Variants in FGD3 observed in about 807,000 individuals in gnomAD.
FGD3 encodes the protein FYVE, RhoGEF and PH domain containing 3.
A neutral mutation model predicts 71.8 loss-of-function variants in FGD3; 45 were observed. The observed-to-expected ratio is 0.63, with a 90% CI of 0.49 to 0.80. FGD3 has a LOEUF of 0.80. FGD3 is among the 30% of genes least tolerant of loss of function. FGD3 has a pLI of 0.00. For missense variants in FGD3, 844 were observed against 951.5 expected (o/e 0.89, Z 1.49); for synonymous variants, 378 against 392.8 (o/e 0.96, Z 0.44).
In FGD3 at chr9:93,003,128, C is replaced by CA; in HGVS notation, c.543+117dup. 1.1e-6 allele frequency: 1 copy of CA among 919,632 alleles called. No homozygotes were observed. Among genetic ancestry groups the CA allele is most frequent in the Non-Finnish European group, 1.6e-6 (1 of 613,706 alleles). 57.0% of individuals were successfully genotyped at this position (919,632 alleles called of 1,614,324 possible). On this transcript the variant is annotated intron_variant, in intron 4 of 17. Coordinates refer to ENST00000375482, the MANE Select transcript of FGD3 (RefSeq NM_001083536.2). The surrounding 1 kb of genome is among the most constrained non-coding windows in gnomAD (Gnocchi z 4.1). ...CTCAGACAAATTTAAGTCTGGTCTA[C>CA]AAACTTTTTTTTTTTTTTGAGACAA...
intron 3 of FGD3, among the ~76,000 whole-genome samples, chr9:92,988,312 C>A (rs977887953): frequency 1.3e-5 from 2 of 152,240 alleles, no homozygotes; most frequent in Admixed American, 1.3e-4. Flanking sequence ...TTCCCCAGTA[C>A]CTGTGGGCCT....
chr9:93,006,161 ACGT>A lies in FGD3; in HGVS notation c.823_825del (p.Val275del). On this transcript the variant is annotated inframe_deletion, in exon 6 of 18. Transcript: ENST00000375482. Reference sequence around the variant, plus strand: ...ACCCAGCGCTCCCCACTGTTTAAAGACGTCGTCCACAGCATCCAGGTAAGGCCG... The same window carrying A: ...ACCCAGCGCTCCCCACTGTTTAAAGACGTCCACAGCATCCAGGTAAGGCCG... 1 of 1,591,532 alleles carries A rather than the reference ACGT, an allele frequency of 6.3e-7. No homozygotes were observed. The highest frequency in any genetic ancestry group is 8.6e-7 in the Non-Finnish European group (1 of 1,166,404).
At chr9:93,010,213 T>G (rs1379745553) in intron 6 of FGD3, 33 bp from the exon 7 acceptor site, 6 of 1,579,996 alleles carry the variant, frequency 3.8e-6, no homozygotes, top group Non-Finnish European at 5.2e-6. Context: ...ACACGTGTCC[T>G]TGGAGTGCCC....
intron 3 of FGD3, among the ~76,000 whole-genome samples, chr9:92,994,105 C>T: frequency 6.6e-6 from 1 of 152,192 alleles, no homozygotes; most frequent in Non-Finnish European, 1.5e-5. Context: ...GTTCCTATTT[C>T]TCCACATCCT....
chr9:93,019,951 C>G lies in FGD3; in HGVS notation c.1386+90C>G, dbSNP rs550643468. On this transcript the variant is annotated intron_variant, in intron 12 of 17. Coordinates refer to ENST00000375482, the MANE Select transcript of FGD3 (RefSeq NM_001083536.2). Reference sequence around the variant, plus strand: ...TTGGTTCAGAGGGTGGGGGCCCTGGCCTCCGGGACTGCTGGCCCTGTGCTG... The same window carrying G: ...TTGGTTCAGAGGGTGGGGGCCCTGGGCTCCGGGACTGCTGGCCCTGTGCTG... The G allele has an allele frequency of 1.1e-4, 155 of 1,370,262 alleles. 1 individual carries two copies. In the South Asian group the frequency reaches 1.7e-3, roughly 15 times the overall value. 84.9% of individuals were successfully genotyped at this position (1,370,262 alleles called of 1,614,324 possible). A position where few individuals can be genotyped will look rare whatever the true frequency, so the allele number is the denominator to read the frequency against.
chr9:93,034,433 A>G, intron 16 of FGD3, 108 bp from the exon 17 acceptor site: 2 of 1,430,230 alleles, frequency 1.4e-6, no homozygotes, highest in Non-Finnish European at 1.9e-6. Context: ...CCATGTCTCC[A>G]CAGCCAGCTC....
intron 3 of FGD3, among the ~76,000 whole-genome samples, chr9:92,989,926 T>G (rs1029848667): frequency 5.3e-5 from 8 of 151,820 alleles, no homozygotes; most frequent in East Asian, 3.9e-4. Context: ...GAGGTTTTTT[T>G]TTTTTTTTTT....
intron 1 of FGD3, among the ~76,000 whole-genome samples, chr9:92,949,834 C>A (rs1046438649): frequency 6.6e-6 from 1 of 152,152 alleles, no homozygotes; most frequent in African/African-American, 2.4e-5. Flanking sequence ...CCACCACAAC[C>A]CTCTGAGGAG....
intron 15 of FGD3, among the ~76,000 whole-genome samples, chr9:93,030,732 T>C (rs1587874161): frequency 7.2e-6 from 1 of 139,316 alleles, no homozygotes; most frequent in East Asian, 2.3e-4. Context: ...GGGGGGGGAA[T>C]AAGTAGATGA....
chr9:92,997,210 G>A (rs1860680983), intron 3 of FGD3, among the ~76,000 whole-genome samples: 1 of 152,052 alleles, frequency 6.6e-6, no homozygotes, highest in Non-Finnish European at 1.5e-5. Context: ...TGTTGAATTG[G>A]TCCCTTTACC....
chr9:93,004,028 G>C lies in FGD3; in HGVS notation c.571G>C (p.Gly191Arg), dbSNP rs769901274. The C allele has an allele frequency of 5.0e-6, 8 of 1,614,172 alleles. No individual in the cohort carries two copies. The highest frequency in any genetic ancestry group is 1.3e-5 in the African/African-American group (1 of 75,056). Residue 191 changes from glycine to arginine, a missense_variant, in exon 5 of 18, where the codon GGG becomes CGG. By Grantham distance (125) the Gly-to-Arg change is moderately radical. Transcript: ENST00000375482. ...QVFCTRLTDA[G>R]IPPEVIMGIF... ...TTTCTGCACCAGGCTGACGGATGCG[G>C]GGATCCCTCCAGAAGTCATCATGGG...
At chr9:92,988,253 C>T (rs529305218) in intron 3 of FGD3, among the ~76,000 whole-genome samples, 2 of 152,190 alleles carry the variant, frequency 1.3e-5, no homozygotes, top group Non-Finnish European at 2.9e-5. Flanking sequence ...TAAGGCTCCA[C>T]CCTGCATAAG....
At chr9:92,999,302 G>A (rs539856037) in intron 3 of FGD3, among the ~76,000 whole-genome samples, 14 of 152,286 alleles carry the variant, frequency 9.2e-5, no homozygotes, top group African/African-American at 2.9e-4. Flanking sequence ...CTGGTGTGCC[G>A]TTTGCTAAGG....
At chr9:92,951,734 G>T (rs894489924) in intron 1 of FGD3, among the ~76,000 whole-genome samples, 10 of 148,576 alleles carry the variant, frequency 6.7e-5, no homozygotes, top group African/African-American at 2.5e-4. Context: ...GGTTGTGTCT[G>T]AGCACACTCA....
At chr9:93,017,953 T>C (rs970714854) in intron 10 of FGD3, among the ~76,000 whole-genome samples, 183 bp from the exon 11 acceptor site, 2 of 152,188 alleles carry the variant, frequency 1.3e-5, no homozygotes, top group African/African-American at 4.8e-5. Flanking sequence ...CTGTCCCTGA[T>C]GGACCAGCTC....
At position 93,035,430 on chromosome 9, in the gene FGD3, G is replaced by A; in HGVS notation, c.2019G>A (p.Lys673=). 6.2e-7 allele frequency: 1 copy of A among 1,612,408 alleles called. No homozygotes were observed. The highest frequency in any genetic ancestry group is 8.5e-7 in the Non-Finnish European group (1 of 1,179,528). ...GGCTGGACTCGGGGCATGTGTGGAAGCTGCAGTGGGCCAAGCAGTCCTGGT... is the reference window on the plus strand; with the variant it reads ...GGCTGGACTCGGGGCATGTGTGGAAACTGCAGTGGGCCAAGCAGTCCTGGT... The part of the protein sequence containing the change: ...EERLDSGHVW[K]LQWAKQSWYL... The change falls in exon 18 of 18, where the codon AAG becomes AAA. Residue 673 remains lysine (K), a synonymous_variant. Coordinates refer to ENST00000375482, the MANE Select transcript of FGD3 (RefSeq NM_001083536.2).
At chr9:92,999,530 T>G (rs1860777317) in intron 3 of FGD3, among the ~76,000 whole-genome samples, 1 of 151,610 alleles carries the variant, frequency 6.6e-6, no homozygotes, top group Admixed American at 6.6e-5. Flanking sequence ...ATCCGTCTAA[T>G]GCGTCGCTTA....
In FGD3 at chr9:93,015,750, TC is replaced by T. The variant is rs1400554199; in HGVS notation, c.1198del (p.Leu400PhefsTer41). The T allele has an allele frequency of 6.2e-7, 1 of 1,614,024 alleles. No homozygotes were observed. The highest frequency in any genetic ancestry group is 1.3e-5 in the African/African-American group (1 of 74,926). The part of the protein sequence containing the change: ...DRHLFLFNSM[I>X]LYCVPKLRLM... ...TCCCTCTTGCAGTTCAACAGCATGA[TC>T]CTTTACTGTGTGCCCAAGCTGCGGC... On this transcript the variant is annotated frameshift_variant, in exon 10 of 18. Transcript: ENST00000375482. LOFTEE classifies it high-confidence loss of function.
chr9:92,970,436 A>C (rs1233024339), intron 1 of FGD3, among the ~76,000 whole-genome samples: 1 of 152,224 alleles, frequency 6.6e-6, no homozygotes, highest in Non-Finnish European at 1.5e-5. Context: ...AGAACAAAAG[A>C]GAGGCTCAAG....
Sources: gnomAD v4.1 joint callset for allele counts (sites outside exome capture counted in the v4.1 genomes callset) on GRCh38, gnomAD v4.1.1 for gene constraint, Gnocchi (gnomAD v3.1) non-coding constraint, MANE v1.5 for transcripts, NCBI Gene and HGNC (gene_info 2026-07-23, HGNC 2026-07-21) for gene names.